The following GLCCI1 variants were observed in gnomAD, a reference collection of about 807,000 sequenced individuals.
The protein encoded by GLCCI1 is glucocorticoid induced 1, also known as glucocorticoid-induced transcript 1 protein.
In GLCCI1, 24 loss-of-function variants were observed where a neutral mutation model predicts 52.2. The ratio of observed to expected loss-of-function variants is 0.46; its 90% confidence interval spans 0.33 to 0.65. GLCCI1 has a LOEUF of 0.65. Ranked by LOEUF, GLCCI1 falls within the 30% of genes least tolerant of loss-of-function variation. GLCCI1 has a pLI of 0.02. For missense variants in GLCCI1, 704 were observed against 701.5 expected (o/e 1.00, Z -0.04); for synonymous variants, 310 against 276.5 (o/e 1.12, Z -1.20).
chr7:7,976,892 A>G (rs1312498789), intron 1 of GLCCI1, among the ~76,000 whole-genome samples: 2 of 151,420 alleles, frequency 1.3e-5, no homozygotes, highest in Admixed American at 6.6e-5. Context: ...ACTGCACTCC[A>G]GCCTGGGTGC....
intron 3 of GLCCI1, among the ~76,000 whole-genome samples, chr7:8,044,030 C>T (rs1055199531): frequency 1.3e-5 from 2 of 151,734 alleles, no homozygotes; most frequent in Admixed American, 6.6e-5. Flanking sequence ...CTGCAAGCTC[C>T]GCCTCCCGGG....
chr7:8,024,064 T>G (rs555132185), intron 3 of GLCCI1, among the ~76,000 whole-genome samples: 1 of 152,090 alleles, frequency 6.6e-6, no homozygotes, highest in Non-Finnish European at 1.5e-5. Context: ...GTCTAAGTCT[T>G]TTAAAGGCTA....
At chr7:8,040,964 T>G (rs1781985479) in intron 3 of GLCCI1, among the ~76,000 whole-genome samples, 1 of 151,810 alleles carries the variant, frequency 6.6e-6, no homozygotes, top group South Asian at 2.1e-4. Flanking sequence ...AATGAGAGAG[T>G]CATACCTCTC....
chr7:8,051,712 A>C (rs1782262153), intron 3 of GLCCI1, among the ~76,000 whole-genome samples: 1 of 152,110 alleles, frequency 6.6e-6, no homozygotes, highest in African/African-American at 2.4e-5. Context: ...GTTAATTTAT[A>C]TTTCCCTCAT....
rs201064893 is a variant in GLCCI1 at position 8,003,983 on chromosome 7, G to C, written c.533G>C (p.Gly178Ala). The stretch of plus-strand genomic sequence containing the variant: ...ACCTCCTCTTTGGATACAATAACAG[G>C]ACCTTACCTCACAGGACAGTGGCCA... ...RRTSSLDTIT[G>A]PYLTGQWPRD... Residue 178 changes from glycine (G) to alanine (A), a missense_variant, in exon 2 of 8, where the codon GGA becomes GCA. Physicochemically the swap from Gly to Ala is moderately conservative, Grantham distance 60. This residue lies in a region of GLCCI1 where 547 missense variants were observed against 524.8 expected (regional missense o/e 1.04). Coordinates refer to ENST00000223145, the MANE Select transcript of GLCCI1 (RefSeq NM_138426.4). The C allele has an allele frequency of 6.2e-7, 1 of 1,613,686 alleles. No homozygotes were observed. Among genetic ancestry groups the C allele is most frequent in the East Asian group, 2.2e-5 (1 of 44,856 alleles).
Position 7,969,162 on chromosome 7 carries a change from C to T in GLCCI1, c.-189C>T. The T allele has an allele frequency of 2.1e-6, 1 of 487,242 alleles. No individual in the cohort carries two copies. The highest frequency in any genetic ancestry group is 2.9e-6 in the Non-Finnish European group (1 of 343,892). 30.2% of individuals were successfully genotyped at this position (487,242 alleles called of 1,614,324 possible). ...CGTTTGTTTTCGCAGCCTTCCCCTCCCCCCTCGCCGAGGCGGCGGGGGTGT... is the reference window on the plus strand; with the variant it reads ...CGTTTGTTTTCGCAGCCTTCCCCTCTCCCCTCGCCGAGGCGGCGGGGGTGT... On this transcript the variant is annotated 5_prime_UTR_variant, in exon 1 of 8. Coordinates refer to ENST00000223145, the MANE Select transcript of GLCCI1 (RefSeq NM_138426.4). This position sits in a 1 kb window ranked among gnomAD's most constrained non-coding sequence, Gnocchi z 4.9.
chr7:8,071,571 T>G (rs188425959), intron 6 of GLCCI1, among the ~76,000 whole-genome samples: 72 of 152,352 alleles, frequency 4.7e-4, no homozygotes, highest in African/African-American at 1.7e-3. Flanking sequence ...ACCAAGTTTA[T>G]AAAGCTTAGT....
chr7:8,064,017 C>G (rs1461495925), intron 5 of GLCCI1, among the ~76,000 whole-genome samples: 1 of 152,138 alleles, frequency 6.6e-6, no homozygotes, highest in African/African-American at 2.4e-5. Context: ...TTGTCAGATG[C>G]ATAGTTTGCA....
At chr7:7,995,885 G>C (rs927785182) in intron 1 of GLCCI1, among the ~76,000 whole-genome samples, 27 of 151,138 alleles carry the variant, frequency 1.8e-4, no homozygotes, top group African/African-American at 6.3e-4. Flanking sequence ...ATATACCCTA[G>C]AACTTAAAGT....
chr7:7,972,711 G>C (rs1438397297), intron 1 of GLCCI1, among the ~76,000 whole-genome samples: 3 of 151,996 alleles, frequency 2.0e-5, no homozygotes, highest in Admixed American at 6.6e-5. Flanking sequence ...TGTTTCACAA[G>C]GCTGAGGAAA....
intron 1 of GLCCI1, chr7:7,981,670 C>A: frequency 4.1e-6 from 1 of 242,288 alleles, no homozygotes; most frequent in Non-Finnish European, 8.2e-6. Context: ...GGACAATATA[C>A]TTATAGATGA....
At chr7:7,999,755 T>G (rs1243067435) in intron 1 of GLCCI1, among the ~76,000 whole-genome samples, 2 of 151,992 alleles carry the variant, frequency 1.3e-5, no homozygotes, top group Non-Finnish European at 2.9e-5. Flanking sequence ...TTTAAAAAAT[T>G]AGCTGGGTGT....
At chr7:7,997,909 A>C (rs1780967204) in intron 1 of GLCCI1, among the ~76,000 whole-genome samples, 3 of 150,156 alleles carry the variant, frequency 2.0e-5, no homozygotes, top group Non-Finnish European at 4.4e-5. Flanking sequence ...CCTGGGTGAC[A>C]GAGTGAGACT....
At chr7:8,013,055 C>T (rs1195280306) in intron 2 of GLCCI1, among the ~76,000 whole-genome samples, 4 of 152,164 alleles carry the variant, frequency 2.6e-5, no homozygotes, top group African/African-American at 9.7e-5. Flanking sequence ...GGCCTCGACA[C>T]CCTTATCAAA....
intron 1 of GLCCI1, among the ~76,000 whole-genome samples, chr7:7,991,940 A>G (rs186494211): frequency 4.6e-5 from 7 of 152,204 alleles, no homozygotes; most frequent in African/African-American, 1.4e-4. Flanking sequence ...TTTCTCCTCT[A>G]GATTGAGCAG....
At chr7:7,979,519 G>T (rs1562414429) in intron 1 of GLCCI1, among the ~76,000 whole-genome samples, 1 of 152,112 alleles carries the variant, frequency 6.6e-6, no homozygotes, top group Non-Finnish European at 1.5e-5. Flanking sequence ...GATGAAGCTT[G>T]AAATATTAAT....
Position 7,969,377 on chromosome 7 carries a change from CT to C in GLCCI1, c.28del (p.Ser10ProfsTer14). MSTASSSSS[S>X]SSSQTPHPPS... ...TGTCCACTGCCTCCTCCTCCTCCTC[CT>C]CCAGTTCCTCTCAGACCCCTCATCC... is the stretch of plus-strand genomic sequence containing the variant. On this transcript the variant is annotated frameshift_variant, in exon 1 of 8. Transcript: ENST00000223145. LOFTEE classifies it high-confidence loss of function. This position sits in a 1 kb window ranked among gnomAD's most constrained non-coding sequence, Gnocchi z 4.9. The C allele has an allele frequency of 6.7e-7, 1 of 1,484,864 alleles. No homozygotes were observed. Among genetic ancestry groups the C allele is most frequent in the South Asian group, 1.2e-5 (1 of 81,408 alleles). 92.0% of individuals were successfully genotyped at this position (1,484,864 alleles called of 1,614,324 possible).
At chr7:8,084,307 G>A (rs915170449) in intron 6 of GLCCI1, among the ~76,000 whole-genome samples, 4 of 152,148 alleles carry the variant, frequency 2.6e-5, no homozygotes, top group African/African-American at 9.7e-5. Flanking sequence ...AAATTCTGCT[G>A]AAAAAGCCCT....
chr7:7,976,479 C>CAAAAAAAAAAAAAAAAAAA lies in GLCCI1; in HGVS notation c.457+6673_457+6691dup, dbSNP rs35255634. Among the ~76,000 whole-genome samples the CAAAAAAAAAAAAAAAAAAA allele has an allele frequency of 1.4e-3, 35 of 24,656 alleles. 1 individual carries two copies. The highest frequency in any genetic ancestry group is 0.083 in the Middle Eastern group (2 of 24). 16.2% of individuals were successfully genotyped at this position (24,656 alleles called of 152,430 possible). On this transcript the variant is annotated intron_variant, in intron 1 of 7. Transcript: ENST00000223145. Reference sequence around the variant, plus strand: ...GGGCAACAAGAGTGAAACTCCATCTCAAAAAAAAAAAAAAAAAAAGGAAAG... The same window carrying CAAAAAAAAAAAAAAAAAAA: ...GGGCAACAAGAGTGAAACTCCATCTCAAAAAAAAAAAAAAAAAAAAAAAAAAAAAAAAAAAAAAGGAAAG...
Sources: gnomAD v4.1 joint callset for allele counts (sites outside exome capture counted in the v4.1 genomes callset) on GRCh38, gnomAD v4.1.1 for gene constraint, gnomAD v4.1.1 regional missense constraint, Gnocchi (gnomAD v3.1) non-coding constraint, MANE v1.5 for transcripts, NCBI Gene and HGNC (gene_info 2026-07-23, HGNC 2026-07-21) for gene names.